The following SPG11 variants were observed in gnomAD, a reference collection of about 807,000 sequenced individuals.
The protein encoded by SPG11 is spatacsin.
SPG11 carries 222 observed loss-of-function variants against 274.0 expected under a neutral mutation model. The ratio of observed to expected loss-of-function variants is 0.81; its 90% CI spans 0.73 to 0.91. The LOEUF is 0.91. Ranked by LOEUF, SPG11 falls within the 40% of genes least tolerant of loss-of-function variation. The pLI is 0.00. For synonymous variants in SPG11, 1,144 were observed against 1,039.7 expected, an observed-to-expected ratio of 1.10 and a Z score of -1.93; for missense variants, 3,114 against 2,872.7, an observed-to-expected ratio of 1.08 and a Z score of -1.92.
intron 33 of SPG11, among the ~76,000 whole-genome samples, chr15:44,571,390 A>G (rs142711393): frequency 1.3e-5 from 2 of 152,174 alleles, no homozygotes; most frequent in East Asian, 1.9e-4. Context: ...CTTATACACC[A>G]TATCCTAGAT....
chr15:44,563,070 A>T lies in SPG11; in HGVS notation c.*51T>A. Reference sequence around the variant, plus strand: ...TCCAATGCATTCTTCTTCTCATCACATCTGTCAGAATCTGCTAACAGTACA... The same window carrying T: ...TCCAATGCATTCTTCTTCTCATCACTTCTGTCAGAATCTGCTAACAGTACA... On this transcript the variant is annotated 3_prime_UTR_variant, in exon 40 of 40. Transcript: ENST00000261866. The T allele has an allele frequency of 6.4e-7, 1 of 1,556,814 alleles. No individual in the cohort carries two copies. Among genetic ancestry groups the T allele is most frequent in the Non-Finnish European group, 8.9e-7 (1 of 1,128,764 alleles).
At chr15:44,653,833 G>A (rs1247254061) in intron 4 of SPG11, among the ~76,000 whole-genome samples, 1 of 151,902 alleles carries the variant, frequency 6.6e-6, no homozygotes, top group Non-Finnish European at 1.5e-5. Context: ...GTTGACCCTT[G>A]AATATCACAG....
chr15:44,598,131 A>AGAACCCAATTAAAG, intron 23 of SPG11, 134 bp downstream of exon 23: 1 of 689,610 alleles, frequency 1.5e-6, no homozygotes, highest in Non-Finnish European at 2.7e-6. Flanking sequence ...TATCTGCTAC[A>AGAACCCAATTAAAG]TGCTAGATAA....
intron 7 of SPG11, among the ~76,000 whole-genome samples, chr15:44,643,262 G>A (rs1733356917): frequency 6.6e-6 from 1 of 152,022 alleles, no homozygotes; most frequent in African/African-American, 2.4e-5. Context: ...ATAAAATGGG[G>A]CTAACAGTAT....
At chr15:44,623,520 G>A (rs1172911572) in intron 11 of SPG11, among the ~76,000 whole-genome samples, 1 of 152,136 alleles carries the variant, frequency 6.6e-6, no homozygotes, top group Non-Finnish European at 1.5e-5. Context: ...TAGTCTAGGA[G>A]CCCTACTTCT....
intron 25 of SPG11, among the ~76,000 whole-genome samples, chr15:44,595,702 G>A (rs1262002554): frequency 6.6e-6 from 1 of 152,192 alleles, no homozygotes; most frequent in African/African-American, 2.4e-5. Flanking sequence ...AAAAGTCAGG[G>A]AAGTACTAAT....
chr15:44,585,187 ATG>A (rs1486382075), intron 29 of SPG11, among the ~76,000 whole-genome samples: 2 of 152,090 alleles, frequency 1.3e-5, no homozygotes, highest in Non-Finnish European at 2.9e-5. Flanking sequence ...TCTGAAAGTA[ATG>A]TGTGTGTCAA....
rs1417966668 is a variant in SPG11, at chr15:44,620,227, T to G, written c.2797A>C (p.Asn933His). The G allele has an allele frequency of 6.2e-7, 1 of 1,614,122 alleles. No individual in the cohort carries two copies. Among genetic ancestry groups the G allele is most frequent in the Admixed American group, 1.7e-5 (1 of 60,012 alleles). Reference sequence around the variant, plus strand: ...TCTAAAATTTCATTCCTCATGTAGTTGTTACAGGAAGTATTCTGGTTAATA... The same window carrying G: ...TCTAAAATTTCATTCCTCATGTAGTGGTTACAGGAAGTATTCTGGTTAATA... ...DVINQNTSCNNYMRNEILDKL... is the reference protein window; with the variant it reads ...DVINQNTSCNHYMRNEILDKL... Residue 933 changes from asparagine (N) to histidine (H), a missense_variant, in exon 15 of 40, where the codon AAC (asparagine) becomes CAC (histidine). Transcript: ENST00000261866.
At chr15:44,651,371 C>T (rs2084769979) in intron 6 of SPG11, 120 bp downstream of exon 6, 1 of 851,508 alleles carries the variant, frequency 1.2e-6, no homozygotes. Flanking sequence ...CAAGAAACTT[C>T]CTCTATAAAC....
rs2084100056 is a variant in SPG11 at position 44,632,533 on chromosome 15, TG to T, written c.1735+971del. Reference sequence around the variant, plus strand: ...TCTGGGTGAATTTTTTTTTTTTTTTTGAGAGTCGTACTTTGCAACCAGGCTG... The same window carrying T: ...TCTGGGTGAATTTTTTTTTTTTTTTTAGAGTCGTACTTTGCAACCAGGCTG... On this transcript the variant is annotated intron_variant, in intron 8 of 39. Transcript: ENST00000261866. 2.0e-5 allele frequency among the ~76,000 whole-genome samples: 3 copies of T among 151,750 alleles called. No homozygotes were observed. The South Asian group carries it at 6.2e-4, about 32-fold the overall frequency.
At chr15:44,633,411 T>A (rs936809517) in intron 8 of SPG11, 94 bp downstream of exon 8, 2 of 779,616 alleles carry the variant, frequency 2.6e-6, no homozygotes. Flanking sequence ...TTTTGGCAAG[T>A]AAATGAGTCA....
At chr15:44,604,931 C>CAA (rs908048525) in intron 20 of SPG11, among the ~76,000 whole-genome samples, 739 of 22,446 alleles carry the variant, frequency 0.033, 113 homozygotes, top group Non-Finnish European at 0.038. Context: ...ACTCCATCTC[C>CAA]AAAAAAAAAA....
chr15:44,601,607 G>A lies in SPG11; in HGVS notation c.3521-975C>T, dbSNP rs538796540. Reference sequence around the variant, plus strand: ...GAATCTTGCTCGGCTGTCTAGGCTGGAGTGCCATGGCACAATCTCAGCTCA... The same window carrying A: ...GAATCTTGCTCGGCTGTCTAGGCTGAAGTGCCATGGCACAATCTCAGCTCA... On this transcript the variant is annotated intron_variant, in intron 20 of 39. Coordinates refer to ENST00000261866, the MANE Select transcript of SPG11 (RefSeq NM_025137.4). Among the ~76,000 whole-genome samples, 229 of 149,602 alleles carry A rather than the reference G, an allele frequency of 1.5e-3. 6 individuals are homozygous for A. The South Asian group carries it at 0.048, about 31-fold the overall frequency.
chr15:44,657,081 A>G lies in SPG11; in HGVS notation c.869+14T>C. The G allele has an allele frequency of 1.2e-6, 2 of 1,611,722 alleles. No homozygotes were observed. Among genetic ancestry groups the G allele is most frequent in the Non-Finnish European group, 1.7e-6 (2 of 1,178,262 alleles). Reference sequence around the variant, plus strand: ...CTATTTACCTCAAATTAGAAACTGCAGTCATCTACATACCTGAAATACAAA... The same window carrying G: ...CTATTTACCTCAAATTAGAAACTGCGGTCATCTACATACCTGAAATACAAA... On this transcript the variant is annotated intron_variant, in intron 4 of 39. Coordinates refer to ENST00000261866, the MANE Select transcript of SPG11 (RefSeq NM_025137.4).
At chr15:44,573,865 C>A in intron 31 of SPG11, 120 bp from the exon 32 acceptor site, 1 of 906,356 alleles carries the variant, frequency 1.1e-6, no homozygotes. Flanking sequence ...GACTCCTCAC[C>A]CTCAGCAGGA....
intron 29 of SPG11, among the ~76,000 whole-genome samples, chr15:44,584,979 C>G (rs2082727348): frequency 6.6e-6 from 1 of 152,144 alleles, no homozygotes; most frequent in East Asian, 1.9e-4. Flanking sequence ...GATTTGGCTA[C>G]AGATGACCCT....
intron 38 of SPG11, among the ~76,000 whole-genome samples, chr15:44,565,360 C>T (rs747705458): frequency 3.9e-5 from 6 of 152,144 alleles, no homozygotes; most frequent in African/African-American, 9.7e-5. Context: ...GGGATGGTTT[C>T]GGGATGAAAA....
At chr15:44,581,087 G>A (rs1432817574) in intron 30 of SPG11, among the ~76,000 whole-genome samples, 1 of 152,040 alleles carries the variant, frequency 6.6e-6, no homozygotes, top group Non-Finnish European at 1.5e-5. Flanking sequence ...AGCAACCAGA[G>A]AAATAGGCAC....
intron 7 of SPG11, among the ~76,000 whole-genome samples, chr15:44,635,393 A>G (rs1341370085): frequency 6.6e-6 from 1 of 151,900 alleles, no homozygotes; most frequent in African/African-American, 2.4e-5. Flanking sequence ...TGGGCAACAT[A>G]GTGAGACCTT....
Sources: allele counts gnomAD v4.1 joint callset (sites outside exome capture counted in the v4.1 genomes callset), GRCh38; gene constraint gnomAD v4.1.1; transcripts MANE v1.5; gene names NCBI Gene and HGNC (gene_info 2026-07-23, HGNC 2026-07-21).